Variants in NDUFAF6 observed in about 807,000 individuals in gnomAD.
NDUFAF6 encodes NADH:ubiquinone oxidoreductase complex assembly factor 6.
A neutral mutation model predicts 40.8 loss-of-function variants in NDUFAF6; 45 were observed. That is an observed-to-expected ratio of 1.10 (90% CI 0.87 to 1.42). The LOEUF is 1.42. NDUFAF6 is among the 40% of genes most tolerant of loss of function. NDUFAF6 has a pLI of 0.00. For synonymous variants in NDUFAF6, 185 were observed against 155.9 expected (o/e 1.19, Z -1.39); for missense variants, 435 against 418.5 (o/e 1.04, Z -0.34).
chr8:95,064,002 G>C (rs1832635130), intron 9 of NDUFAF6, among the ~76,000 whole-genome samples: 1 of 149,432 alleles, frequency 6.7e-6, no homozygotes, highest in African/African-American at 2.5e-5. Flanking sequence ...CTCCTGAGTA[G>C]CTGGGACTAC....
At chr8:95,000,514 A>G (rs1826671709) in intron 2 of NDUFAF6, among the ~76,000 whole-genome samples, 1 of 152,066 alleles carries the variant, frequency 6.6e-6, no homozygotes, top group Non-Finnish European at 1.5e-5. Flanking sequence ...AAAAATGCAT[A>G]TTCTAATCTT....
chr8:95,106,274 C>CAA (rs772574749), downstream of NDUFAF6, among the ~76,000 whole-genome samples: 327 of 87,522 alleles, frequency 3.7e-3, no homozygotes, highest in African/African-American at 0.013. Flanking sequence ...GACTCCATCT[C>CAA]AAAAAAAAAA....
intron 1 of NDUFAF6, among the ~76,000 whole-genome samples, chr8:94,931,434 T>C (rs1170953995): frequency 1.3e-5 from 2 of 152,220 alleles, no homozygotes; most frequent in Admixed American, 1.3e-4. Flanking sequence ...AGTATGATTA[T>C]GTTTTCCATA....
chr8:95,002,111 T>A (rs1226986384), intron 2 of NDUFAF6, among the ~76,000 whole-genome samples: 1 of 152,232 alleles, frequency 6.6e-6, no homozygotes, highest in Non-Finnish European at 1.5e-5. Flanking sequence ...TGCATCTGAC[T>A]TTATTTATGA....
Position 95,045,652 on chromosome 8 carries a change from G to A in NDUFAF6, c.580+5G>A. On this transcript the variant is annotated splice_donor_5th_base_variant and intron_variant, in intron 5 of 8. Transcript: ENST00000396124. ...ACTTAACACTAGAAATATTGGGTAA[G>A]TTGTTTTTCTGTTTCATACTTCTTT... The A allele has an allele frequency of 6.2e-7, 1 of 1,605,960 alleles. No homozygotes were observed. Among genetic ancestry groups the A allele is most frequent in the Non-Finnish European group, 8.5e-7 (1 of 1,173,198 alleles).
chr8:94,932,176 T>G, intron 1 of NDUFAF6: 1 of 1,521,092 alleles, frequency 6.6e-7, no homozygotes, highest in Non-Finnish European at 9.0e-7. Context: ...ACTTTACTAT[T>G]AGGACGTGGT....
intron 7 of NDUFAF6, 76 bp from the exon 8 acceptor site, chr8:95,052,098 C>T (rs1831500821): frequency 1.5e-6 from 2 of 1,372,776 alleles, no homozygotes; most frequent in Admixed American, 3.4e-5. Flanking sequence ...TATTGTTAAA[C>T]TGCTGGTGTT....
chr8:95,082,372 G>T (rs1271060061), intron 2 of NDUFAF6, among the ~76,000 whole-genome samples: 5 of 152,120 alleles, frequency 3.3e-5, no homozygotes, highest in East Asian at 1.9e-4. Flanking sequence ...GGTGGGTGCT[G>T]TGCTGCTGCT....
chr8:94,910,271 G>C (rs1818691719), intron 1 of NDUFAF6, among the ~76,000 whole-genome samples: 1 of 152,102 alleles, frequency 6.6e-6, no homozygotes, highest in South Asian at 2.1e-4. Flanking sequence ...TCATACGTCA[G>C]CCTCCCAAGT....
At chr8:94,908,893 A>G (rs1818555735) in intron 1 of NDUFAF6, among the ~76,000 whole-genome samples, 2 of 152,222 alleles carry the variant, frequency 1.3e-5, no homozygotes, top group Non-Finnish European at 2.9e-5. Context: ...ATTCATACAA[A>G]TGTCATAGGA....
intron 1 of NDUFAF6, chr8:94,930,382 A>T (rs1648727384): frequency 1.3e-6 from 2 of 1,504,036 alleles, no homozygotes; most frequent in Non-Finnish European, 1.8e-6. Context: ...TTGGTTATCA[A>T]TTGGTTGTAA....
In NDUFAF6 at chr8:95,031,897, A is replaced by C. The variant is rs992750140; in HGVS notation, c.198-98A>C. ...ATTACAGGCATGAGCTACCGCGCCC[A>C]ACTTGAAGCCTTTTTGTTTTCAGTT... On this transcript the variant is annotated intron_variant, in intron 1 of 8. Transcript: ENST00000396124. 3.2e-6 allele frequency: 4 copies of C among 1,240,540 alleles called. No homozygotes were observed. The Admixed American group carries it at 7.1e-5, about 22-fold the overall frequency. The allele number at this position is 1,240,540 out of a possible 1,614,324, so 76.8% of individuals were successfully genotyped here. A position where few individuals can be genotyped will look rare whatever the true frequency, so the allele number is the denominator to read the frequency against.
At chr8:94,927,728 A>AT (rs1340592871) in intron 1 of NDUFAF6, 2 of 152,480 alleles carry the variant, frequency 1.3e-5, no homozygotes. Flanking sequence ...ATGGCGCACT[A>AT]TAAAAGCTAA....
intron 1 of NDUFAF6, among the ~76,000 whole-genome samples, chr8:94,964,208 C>T (rs1415134687): frequency 1.3e-5 from 2 of 151,936 alleles, no homozygotes; most frequent in South Asian, 2.1e-4. Flanking sequence ...TGGGAGGACC[C>T]CTTGAGCCTA....
intron 1 of NDUFAF6, among the ~76,000 whole-genome samples, chr8:94,937,292 T>C (rs1339940024): frequency 6.6e-6 from 1 of 151,990 alleles, no homozygotes; most frequent in African/African-American, 2.4e-5. Flanking sequence ...AGTACAAATA[T>C]TACCCAGGTA....
intron 2 of NDUFAF6, among the ~76,000 whole-genome samples, chr8:94,952,229 T>C (rs147594185): frequency 1.2e-3 from 184 of 152,368 alleles, no homozygotes; most frequent in African/African-American, 4.3e-3. Flanking sequence ...ATGCAACTAA[T>C]GCCTCTGCCT....
intron 1 of NDUFAF6, among the ~76,000 whole-genome samples, chr8:94,897,850 C>T (rs1817751413): frequency 6.6e-6 from 1 of 151,558 alleles, no homozygotes; most frequent in African/African-American, 2.4e-5. Flanking sequence ...TTGTTTTGTT[C>T]ATCTTTTTAT....
chr8:95,033,152 C>T (rs762849111), intron 2 of NDUFAF6, among the ~76,000 whole-genome samples: 2 of 152,134 alleles, frequency 1.3e-5, no homozygotes, highest in Non-Finnish European at 2.9e-5. Context: ...AAGCAATCCT[C>T]CCACCTCAGC....
intron 2 of NDUFAF6, among the ~76,000 whole-genome samples, chr8:95,032,710 T>C (rs1355424714): frequency 6.6e-6 from 1 of 152,206 alleles, no homozygotes; most frequent in Non-Finnish European, 1.5e-5. Flanking sequence ...GGTCAGATAT[T>C]GGGAGTGAGG....
Sources: gnomAD v4.1 joint callset for allele counts (sites outside exome capture counted in the v4.1 genomes callset) on GRCh38, gnomAD v4.1.1 for gene constraint, MANE v1.5 for transcripts, NCBI Gene and HGNC (gene_info 2026-07-23, HGNC 2026-07-21) for gene names.